The following PDZRN3 variants were observed in gnomAD, a reference collection of about 807,000 sequenced individuals.
PDZRN3 encodes PDZ domain containing ring finger 3.
PDZRN3 carries 38 observed loss-of-function variants against 85.7 expected under a neutral mutation model. The observed-to-expected ratio is 0.44, with a 90% CI of 0.34 to 0.58. PDZRN3 has a LOEUF of 0.58. Among genes scored for constraint, PDZRN3 ranks in the 20% least tolerant of loss-of-function variants. The pLI, the probability that PDZRN3 is intolerant of heterozygous loss-of-function variation, is 0.01. For missense variants in PDZRN3, 1,629 were observed against 1,506.4 expected (o/e 1.08, Z -1.35); for synonymous variants, 759 against 638.0 (o/e 1.19, Z -2.86).
chr3:73,387,537 T>G (rs900103950), intron 8 of PDZRN3, among the ~76,000 whole-genome samples: 5 of 151,924 alleles, frequency 3.3e-5, no homozygotes, highest in African/African-American at 1.2e-4. Flanking sequence ...GGTGGTCATA[T>G]CAGTTTTAAT....
At chr3:73,433,931 C>T (rs1702483022) in intron 3 of PDZRN3, 2 of 1,407,116 alleles carry the variant, frequency 1.4e-6, no homozygotes, top group South Asian at 1.6e-5. Context: ...CGCGCGTGCA[C>T]ACACACACAC....
intron 3 of PDZRN3, among the ~76,000 whole-genome samples, chr3:73,485,547 T>C (rs576292850): frequency 2.6e-5 from 4 of 152,154 alleles, no homozygotes; most frequent in Non-Finnish European, 4.4e-5. Context: ...CAAAGTCAAA[T>C]ACTACAAAGC....
chr3:73,480,107 T>A (rs1051725382), intron 3 of PDZRN3, among the ~76,000 whole-genome samples: 6 of 152,324 alleles, frequency 3.9e-5, no homozygotes, highest in South Asian at 2.1e-4. Flanking sequence ...ATAACTCTAC[T>A]AATACTCCCC....
At chr3:73,478,650 C>T (rs750507650) in intron 3 of PDZRN3, among the ~76,000 whole-genome samples, 5 of 152,110 alleles carry the variant, frequency 3.3e-5, no homozygotes, top group South Asian at 2.1e-4. Context: ...CCGCCCAGTC[C>T]GTGGAAAAAC....
intron 3 of PDZRN3, among the ~76,000 whole-genome samples, chr3:73,450,964 C>G (rs1365960658): frequency 6.6e-6 from 1 of 151,974 alleles, no homozygotes; most frequent in Admixed American, 6.5e-5. Context: ...TCAAATTTCA[C>G]CCACACCCAC....
intron 3 of PDZRN3, among the ~76,000 whole-genome samples, chr3:73,418,296 G>A (rs1383795780): frequency 6.6e-6 from 1 of 152,148 alleles, no homozygotes; most frequent in Non-Finnish European, 1.5e-5. Flanking sequence ...TTGGAGAACT[G>A]AACAGAAATA....
In PDZRN3 at chr3:73,613,409, A is replaced by G. The variant is rs575656331; in HGVS notation, c.724-4725T>C. 5.9e-5 allele frequency among the ~76,000 whole-genome samples: 9 copies of G among 152,258 alleles called. No homozygotes were observed. In the East Asian group the frequency reaches 1.4e-3, roughly 23 times the overall value. On this transcript the variant is annotated intron_variant, in intron 1 of 9. Coordinates refer to ENST00000263666, the MANE Select transcript of PDZRN3 (RefSeq NM_015009.3). ...AGGGAAACAGATTTTGGCTCACAAC[A>G]GGATAGGAGAAACATCAAGACTAAG...
At chr3:73,589,680 T>A (rs1052359623) in intron 3 of PDZRN3, among the ~76,000 whole-genome samples, 3 of 152,204 alleles carry the variant, frequency 2.0e-5, no homozygotes, top group African/African-American at 7.2e-5. Flanking sequence ...CCACTTTACA[T>A]AATACCATCT....
chr3:73,396,107 C>T (rs939890404), intron 5 of PDZRN3, among the ~76,000 whole-genome samples: 66 of 152,240 alleles, frequency 4.3e-4, no homozygotes, highest in Admixed American at 3.9e-4. Context: ...CCTGTAATCC[C>T]AGCTACTTGG....
chr3:73,574,142 T>C (rs1194495014), intron 3 of PDZRN3, among the ~76,000 whole-genome samples: 2 of 152,176 alleles, frequency 1.3e-5, no homozygotes, highest in Non-Finnish European at 2.9e-5. Flanking sequence ...ATGAGGGGGC[T>C]CTCGCCCTGT....
chr3:73,500,595 C>T (rs1179956610), intron 3 of PDZRN3, among the ~76,000 whole-genome samples: 1 of 152,146 alleles, frequency 6.6e-6, no homozygotes, highest in African/African-American at 2.4e-5. Context: ...ATGCTCTTTT[C>T]CTCCCAACAA....
chr3:73,440,722 C>A (rs1343762162), intron 3 of PDZRN3, among the ~76,000 whole-genome samples: 1 of 152,198 alleles, frequency 6.6e-6, no homozygotes, highest in South Asian at 2.1e-4. Flanking sequence ...TTGGAATGAA[C>A]AACTGTGAGT....
At chr3:73,524,089 T>C (rs1037903451) in intron 3 of PDZRN3, among the ~76,000 whole-genome samples, 6 of 152,174 alleles carry the variant, frequency 3.9e-5, no homozygotes, top group Non-Finnish European at 8.8e-5. Context: ...CACAAGGCAC[T>C]ATATTCAGGG....
At chr3:73,594,471 CT>C (rs1702405146) in intron 3 of PDZRN3, among the ~76,000 whole-genome samples, 1 of 152,120 alleles carries the variant, frequency 6.6e-6, no homozygotes, top group Non-Finnish European at 1.5e-5. Context: ...TGCAAAAATC[CT>C]TTACCTACAT....
chr3:73,462,311 A>C (rs924931563), intron 3 of PDZRN3, among the ~76,000 whole-genome samples: 1 of 152,144 alleles, frequency 6.6e-6, no homozygotes. Flanking sequence ...CTTGAGGCCG[A>C]GGCGGGCAGA....
intron 3 of PDZRN3, among the ~76,000 whole-genome samples, chr3:73,521,364 A>C (rs965511402): frequency 3.3e-5 from 5 of 152,148 alleles, no homozygotes; most frequent in African/African-American, 9.7e-5. Flanking sequence ...TCAGAGGATC[A>C]AAATGTGCAT....
intron 3 of PDZRN3, among the ~76,000 whole-genome samples, chr3:73,590,882 C>T (rs1054453185): frequency 2.0e-5 from 3 of 152,094 alleles, no homozygotes; most frequent in Non-Finnish European, 2.9e-5. Context: ...TTCTATTTTA[C>T]GTGAAGTTCT....
At chr3:73,605,407 A>C (rs1702585139) in intron 2 of PDZRN3, among the ~76,000 whole-genome samples, 1 of 152,186 alleles carries the variant, frequency 6.6e-6, no homozygotes. Flanking sequence ...CTAACGATAA[A>C]GTACACTTCC....
At chr3:73,537,780 C>A (rs540873404) in intron 3 of PDZRN3, among the ~76,000 whole-genome samples, 45 of 137,864 alleles carry the variant, frequency 3.3e-4, no homozygotes, top group East Asian at 2.1e-3. Context: ...CCACCACACC[C>A]GGCTAATTTT....
Sources: allele counts gnomAD v4.1 joint callset (sites outside exome capture counted in the v4.1 genomes callset), GRCh38; gene constraint gnomAD v4.1.1; transcripts MANE v1.5; gene names NCBI Gene and HGNC (gene_info 2026-07-23, HGNC 2026-07-21).